CACNA1E: variants seen among roughly 807,000 people sequenced by gnomAD.
CACNA1E encodes voltage-dependent R-type calcium channel subunit alpha-1E.
A neutral mutation model predicts 259.2 loss-of-function variants in CACNA1E; 40 were observed. That is an observed-to-expected ratio of 0.15 (90% CI 0.12 to 0.20). CACNA1E has a LOEUF of 0.20. CACNA1E is among the 10% of genes least tolerant of loss of function. CACNA1E has a pLI of 1.00. For missense variants in CACNA1E, 1,874 were observed against 3,040.1 expected (o/e 0.62, Z 9.02); for synonymous variants, 1,104 against 1,138.5 (o/e 0.97, Z 0.61).
rs147750465 is a variant in CACNA1E at position 181,506,278 on chromosome 1, G to A, written c.267-4199G>A. 3.1e-3 allele frequency among the ~76,000 whole-genome samples: 475 copies of A among 152,296 alleles called. 4 individuals are homozygous for A. The highest frequency in any genetic ancestry group is 0.01 in the African/African-American group (435 of 41,546). On this transcript the variant is annotated intron_variant, in intron 1 of 47. Transcript: ENST00000367573. ...GACTGGTGGGTGGGTGTTATTTGCC[G>A]TCTAGGCTCTTCACTTTGGGGATGT...
intron 7 of CACNA1E, among the ~76,000 whole-genome samples, chr1:181,704,099 G>A (rs773314923): frequency 2.6e-5 from 4 of 152,190 alleles, no homozygotes; most frequent in Admixed American, 6.5e-5. Flanking sequence ...AGGATTTAGA[G>A]GGCTAGCTTC....
intron 17 of CACNA1E, among the ~76,000 whole-genome samples, chr1:181,725,644 G>A (rs1356500287): frequency 4.6e-5 from 7 of 152,258 alleles, no homozygotes; most frequent in African/African-American, 1.2e-4. Flanking sequence ...CTCAGCCTCA[G>A]CACTTTACTT....
At chr1:181,560,119 A>G (rs962026008) in intron 3 of CACNA1E, among the ~76,000 whole-genome samples, 8 of 152,088 alleles carry the variant, frequency 5.3e-5, no homozygotes, top group Non-Finnish European at 1.0e-4. Context: ...ATGTAAACTC[A>G]CCATCCAGGC....
At chr1:181,636,634 G>A (rs1022385089) in intron 6 of CACNA1E, among the ~76,000 whole-genome samples, 28 of 152,168 alleles carry the variant, frequency 1.8e-4, no homozygotes, top group South Asian at 4.2e-4. Context: ...CTTGGCTGTC[G>A]GAGAATCAGT....
intron 3 of CACNA1E, among the ~76,000 whole-genome samples, chr1:181,562,242 A>G (rs1051606647): frequency 1.3e-5 from 2 of 152,204 alleles, no homozygotes; most frequent in Non-Finnish European, 2.9e-5. Context: ...GAGAGTGAAC[A>G]TCTTCACCAT....
intron 1 of CACNA1E, among the ~76,000 whole-genome samples, chr1:181,507,126 T>C (rs1451510609): frequency 1.3e-5 from 2 of 152,242 alleles, no homozygotes; most frequent in African/African-American, 4.8e-5. Flanking sequence ...GAAGAGGATT[T>C]GGCTGGAGAG....
intron 1 of CACNA1E, among the ~76,000 whole-genome samples, chr1:181,359,170 C>G (rs558666704): frequency 6.6e-6 from 1 of 152,174 alleles, no homozygotes; most frequent in Admixed American, 6.5e-5. Context: ...AAATGCATAG[C>G]ATGTACAATC....
intron 46 of CACNA1E, among the ~76,000 whole-genome samples, chr1:181,795,892 G>A (rs1436367791): frequency 6.6e-6 from 1 of 151,632 alleles, no homozygotes; most frequent in Non-Finnish European, 1.5e-5. Context: ...ACTGGGACTA[G>A]CACTGGGATC....
intron 41 of CACNA1E, 43 bp downstream of exon 41, chr1:181,784,811 C>CA (rs1310467261): frequency 1.7e-6 from 2 of 1,178,106 alleles, no homozygotes; most frequent in Admixed American, 4.1e-5. Flanking sequence ...GTGGGCCCAG[C>CA]ATGTGAAGAC....
At chr1:181,782,720 C>T (rs1201089243) in intron 39 of CACNA1E, among the ~76,000 whole-genome samples, 1 of 152,138 alleles carries the variant, frequency 6.6e-6, no homozygotes. Context: ...GGAACATGGC[C>T]ATTAGGGACC....
intron 3 of CACNA1E, among the ~76,000 whole-genome samples, chr1:181,521,968 T>A (rs1667025485): frequency 6.6e-6 from 1 of 152,124 alleles, no homozygotes; most frequent in Non-Finnish European, 1.5e-5. Flanking sequence ...GACCACATCA[T>A]TCACATCATT....
intron 2 of CACNA1E, among the ~76,000 whole-genome samples, chr1:181,462,961 T>C (rs1220884570): frequency 2.0e-5 from 3 of 152,164 alleles, no homozygotes; most frequent in African/African-American, 7.2e-5. Flanking sequence ...ATGATCATCT[T>C]GTCCATGTCT....
chr1:181,653,425 G>A (rs1209564808), intron 7 of CACNA1E, among the ~76,000 whole-genome samples: 1 of 152,188 alleles, frequency 6.6e-6, no homozygotes, highest in Non-Finnish European at 1.5e-5. Context: ...AGTGAGATGT[G>A]CCTTTCACCT....
At chr1:181,589,616 G>C (rs979246902) in intron 6 of CACNA1E, among the ~76,000 whole-genome samples, 1 of 152,132 alleles carries the variant, frequency 6.6e-6, no homozygotes, top group African/African-American at 2.4e-5. Flanking sequence ...CTACCTGGAA[G>C]GCTGAGGCAG....
rs1024581610 is a variant in CACNA1E at position 181,542,877 on chromosome 1, G to A, written c.512+31367G>A. The stretch of plus-strand genomic sequence containing the variant: ...CCTGCAAGATGCTCCATATATAAGG[G>A]GTTTGATGTGTTTATTAGTTTGGGA... On this transcript the variant is annotated intron_variant, in intron 3 of 47. Transcript: ENST00000367573. Among the ~76,000 whole-genome samples, 3 of 148,804 alleles carry A rather than the reference G, an allele frequency of 2.0e-5. No individual in the cohort carries two copies. In the Admixed American group the frequency reaches 2.0e-4, roughly 10 times the overall value.
rs756231898 is a variant in CACNA1E at position 181,757,120 on chromosome 1, G to A, written c.4323G>A (p.Lys1441=). The change falls in exon 30 of 48, where the codon AAG becomes AAA. Residue 1441 remains lysine (K), a synonymous_variant. Transcript: ENST00000367573. ...DKMMEECSLE[K]NERACIDFAI... is the part of the protein sequence containing the mutation. ...TGATGGAGGAGTGCAGCCTGGAGAA[G>A]AATGAGGTAATGACAATTGGTCTAA... The A allele has an allele frequency of 3.1e-6, 5 of 1,612,712 alleles. No individual in the cohort carries two copies. The South Asian group carries it at 5.5e-5, about 18-fold the overall frequency.
At chr1:181,735,129 C>A (rs1027290341) in intron 21 of CACNA1E, among the ~76,000 whole-genome samples, 1 of 152,224 alleles carries the variant, frequency 6.6e-6, no homozygotes, top group African/African-American at 2.4e-5. Context: ...CGTGCCACTG[C>A]TACTTCAGAA....
At chr1:181,723,859 C>A in intron 16 of CACNA1E, among the ~76,000 whole-genome samples, 1 of 152,310 alleles carries the variant, frequency 6.6e-6, no homozygotes, top group South Asian at 2.1e-4. Context: ...TGCCAGTCTC[C>A]AGGAACCTCC....
chr1:181,626,602 C>G (rs1315879695), intron 6 of CACNA1E, among the ~76,000 whole-genome samples: 1 of 152,130 alleles, frequency 6.6e-6, no homozygotes, highest in African/African-American at 2.4e-5. Context: ...ATTCTGAGAC[C>G]ATGTCCAAAC....
Sources: gnomAD v4.1 joint callset for allele counts (sites outside exome capture counted in the v4.1 genomes callset) on GRCh38, gnomAD v4.1.1 for gene constraint, MANE v1.5 for transcripts, NCBI Gene and HGNC (gene_info 2026-07-23, HGNC 2026-07-21) for gene names.